The following METTL15 variants were observed in gnomAD, a reference collection of about 807,000 sequenced individuals.
METTL15 encodes 12S rRNA N(4)-cytidine methyltransferase METTL15.
METTL15 carries 34 observed loss-of-function variants against 38.3 expected under a neutral mutation model. That is an observed-to-expected ratio of 0.89 (90% CI 0.68 to 1.18). The LOEUF (loss-of-function observed/expected upper bound fraction) is 1.18, where lower values mean the gene tolerates loss of function less well. Ranked by LOEUF, METTL15 falls within the 50% of genes most tolerant of loss-of-function variation. The probability of loss-of-function intolerance (pLI) is 0.00; values close to 1 mark genes in which losing one functional copy is unlikely to be tolerated. For synonymous variants in METTL15, 162 were observed against 170.9 expected, an observed-to-expected ratio of 0.95 and a Z score of 0.41; for missense variants, 438 against 498.4, an observed-to-expected ratio of 0.88 and a Z score of 1.15.
chr11:28,266,709 C>G (rs943679312), intron 4 of METTL15, among the ~76,000 whole-genome samples: 3 of 152,176 alleles, frequency 2.0e-5, no homozygotes, highest in Non-Finnish European at 4.4e-5. Flanking sequence ...GTGCCATCTA[C>G]TTTCTCTTAC....
At chr11:28,408,593 GATAA>G (rs752499736) in intron 5 of METTL15, among the ~76,000 whole-genome samples, 2 of 151,976 alleles carry the variant, frequency 1.3e-5, no homozygotes, top group African/African-American at 2.4e-5. Context: ...TAGGGGAATG[GATAA>G]ATAAATGATC....
At chr11:28,396,271 G>T (rs1850567776) in intron 5 of METTL15, among the ~76,000 whole-genome samples, 1 of 152,214 alleles carries the variant, frequency 6.6e-6, no homozygotes, top group African/African-American at 2.4e-5. Flanking sequence ...AAGAAATAAA[G>T]CGTATTCAAT....
chr11:28,314,293 A>G (rs184854302), intron 6 of METTL15, among the ~76,000 whole-genome samples: 9 of 152,306 alleles, frequency 5.9e-5, no homozygotes, highest in East Asian at 3.9e-4. Flanking sequence ...GAAGTGTTCT[A>G]TTGCAGGTAA....
intron 5 of METTL15, among the ~76,000 whole-genome samples, chr11:28,415,656 C>T (rs1257535670): frequency 6.6e-6 from 1 of 152,136 alleles, no homozygotes; most frequent in African/African-American, 2.4e-5. Context: ...TGGGAAGAGT[C>T]ACTCACAACA....
At chr11:28,248,110 C>G (rs549014877) in intron 4 of METTL15, among the ~76,000 whole-genome samples, 1 of 152,208 alleles carries the variant, frequency 6.6e-6, no homozygotes, top group South Asian at 2.1e-4. Context: ...TCAGTCACTT[C>G]TCATACTTTT....
chr11:28,390,604 T>C (rs532492066), intron 5 of METTL15, among the ~76,000 whole-genome samples: 6 of 152,292 alleles, frequency 3.9e-5, no homozygotes, highest in Admixed American at 1.3e-4. Context: ...GTTTTGGTAC[T>C]AGTACCAGGC....
intron 4 of METTL15, among the ~76,000 whole-genome samples, chr11:28,222,565 C>T (rs758606664): frequency 6.6e-6 from 1 of 152,150 alleles, no homozygotes; most frequent in Non-Finnish European, 1.5e-5. Context: ...CTGTCCTGCA[C>T]CCACTGTCCT....
intron 6 of METTL15, among the ~76,000 whole-genome samples, chr11:28,469,522 G>C (rs1318650721): frequency 3.9e-5 from 6 of 152,106 alleles, no homozygotes; most frequent in Non-Finnish European, 7.4e-5. Flanking sequence ...GCATGGATTT[G>C]AATGCTGACT....
At chr11:28,269,966 A>G (rs1165369566) in intron 4 of METTL15, among the ~76,000 whole-genome samples, 3 of 152,214 alleles carry the variant, frequency 2.0e-5, no homozygotes, top group East Asian at 3.9e-4. Context: ...AACCCTGTAT[A>G]AAAACATTGC....
At chr11:28,223,530 G>A (rs1048539503) in intron 4 of METTL15, among the ~76,000 whole-genome samples, 1 of 152,074 alleles carries the variant, frequency 6.6e-6, no homozygotes, top group East Asian at 1.9e-4. Flanking sequence ...GAAACAGTTT[G>A]TCATTTTAGA....
At chr11:28,170,666 C>G (rs556691205) in intron 3 of METTL15, among the ~76,000 whole-genome samples, 1 of 152,248 alleles carries the variant, frequency 6.6e-6, no homozygotes, top group South Asian at 2.1e-4. Context: ...AACTTCCTGA[C>G]ATTGCCATGG....
At chr11:28,166,305 C>G (rs78368073) in intron 3 of METTL15, among the ~76,000 whole-genome samples, 121 of 152,260 alleles carry the variant, frequency 7.9e-4, no homozygotes, top group African/African-American at 2.9e-3. Context: ...TGCTGATTAT[C>G]TAATTCTCTG....
At chr11:28,114,909 A>T (rs1428182367) in intron 3 of METTL15, among the ~76,000 whole-genome samples, 1 of 152,216 alleles carries the variant, frequency 6.6e-6, no homozygotes, top group Admixed American at 6.5e-5. Flanking sequence ...AAAGAACATT[A>T]CACTGGCTGA....
chr11:28,403,317 G>A (rs962392529), intron 5 of METTL15, among the ~76,000 whole-genome samples: 6 of 151,908 alleles, frequency 3.9e-5, no homozygotes, highest in African/African-American at 1.2e-4. Context: ...CTGTGCTCCA[G>A]GATAAGTTAC....
chr11:28,321,678 A>G (rs936736364), intron 6 of METTL15, among the ~76,000 whole-genome samples: 2 of 152,090 alleles, frequency 1.3e-5, no homozygotes, highest in Admixed American at 6.6e-5. Context: ...TTTAATTTGG[A>G]GCAATTAATA....
At chr11:28,108,764 C>G (rs1327988627) in intron 1 of METTL15, among the ~76,000 whole-genome samples, 1 of 152,152 alleles carries the variant, frequency 6.6e-6, no homozygotes, top group Non-Finnish European at 1.5e-5. Context: ...TTTACATTCT[C>G]TGTCTAATGA....
intron 6 of METTL15, among the ~76,000 whole-genome samples, chr11:28,475,819 T>G (rs1267746782): frequency 6.6e-6 from 1 of 152,174 alleles, no homozygotes; most frequent in African/African-American, 2.4e-5. Context: ...TTTTTACATT[T>G]AATAAAACTT....
chr11:28,109,202 T>C (rs1017683600), intron 1 of METTL15, among the ~76,000 whole-genome samples: 2 of 152,182 alleles, frequency 1.3e-5, no homozygotes, highest in Non-Finnish European at 2.9e-5. Context: ...TCGGGAGTAT[T>C]GTGTACTGTA....
At chr11:28,294,997 A>G (rs1176275998) in intron 5 of METTL15, among the ~76,000 whole-genome samples, 1 of 152,122 alleles carries the variant, frequency 6.6e-6, no homozygotes, top group Non-Finnish European at 1.5e-5. Context: ...CCATGGATAA[A>G]TTTCTAAATT....
Sources: allele counts gnomAD v4.1 joint callset (sites outside exome capture counted in the v4.1 genomes callset), GRCh38; gene constraint gnomAD v4.1.1; transcripts MANE v1.5; gene names NCBI Gene and HGNC (gene_info 2026-07-23, HGNC 2026-07-21).